The following FHIP1A variants were observed in gnomAD, a reference collection of about 807,000 sequenced individuals.
The protein encoded by FHIP1A is FHF complex subunit HOOK interacting protein 1A.
FHIP1A carries 61 observed loss-of-function variants against 88.6 expected under a neutral mutation model. That is an observed-to-expected ratio of 0.69 (90% CI 0.56 to 0.85). The LOEUF is 0.85. Ranked by LOEUF, FHIP1A falls within the 40% of genes least tolerant of loss-of-function variation. The pLI, the probability that FHIP1A is intolerant of heterozygous loss-of-function variation, is 0.00. For synonymous variants in FHIP1A, 478 were observed against 496.0 expected (o/e 0.96, Z 0.48); for missense variants, 1,154 against 1,273.5 (o/e 0.91, Z 1.43).
intron 1 of FHIP1A, among the ~76,000 whole-genome samples, chr4:151,415,183 G>T (rs78139157): frequency 0.011 from 1,540 of 139,098 alleles, 18 homozygotes; most frequent in African/African-American, 0.036. Context: ...AGTTTTTTTG[G>T]TTTTTTTTTT....
intron 5 of FHIP1A, among the ~76,000 whole-genome samples, chr4:151,579,247 T>G (rs1733933545): frequency 6.6e-6 from 1 of 152,140 alleles, no homozygotes; most frequent in South Asian, 2.1e-4. Flanking sequence ...AAACTATGGT[T>G]TCTGGGGTGA....
chr4:151,556,481 C>T (rs1732951007), intron 3 of FHIP1A, among the ~76,000 whole-genome samples: 1 of 152,098 alleles, frequency 6.6e-6, no homozygotes, highest in African/African-American at 2.4e-5. Flanking sequence ...TTTAATTTTA[C>T]TTGAGTTGTC....
Position 151,586,713 on chromosome 4 carries a change from C to CA in FHIP1A, c.806dup (p.His269GlnfsTer7). On this transcript the variant is annotated frameshift_variant, in exon 6 of 14. Coordinates refer to ENST00000435205, the MANE Select transcript of FHIP1A (RefSeq NM_001109977.3). LOFTEE classifies it high-confidence loss of function. ...GCTAGAAGAGAAAGGCGAGGAATGG[C>CA]ACTGCCTTCTGAAAGATGACTGGCT... is the stretch of plus-strand genomic sequence containing the variant. 4 of 1,551,368 alleles carry CA rather than the reference C, an allele frequency of 2.6e-6. No individual in the cohort carries two copies. The highest frequency in any genetic ancestry group is 3.5e-6 in the Non-Finnish European group (4 of 1,146,732).
At chr4:151,484,277 T>C (rs956293899) in intron 3 of FHIP1A, among the ~76,000 whole-genome samples, 20 of 152,168 alleles carry the variant, frequency 1.3e-4, no homozygotes, top group African/African-American at 3.9e-4. Flanking sequence ...GTTTGGAACA[T>C]GTTCTTGCCT....
chr4:151,594,462 A>G (rs1446302972), intron 7 of FHIP1A, among the ~76,000 whole-genome samples: 3 of 151,954 alleles, frequency 2.0e-5, no homozygotes, highest in Non-Finnish European at 2.9e-5. Flanking sequence ...GAGAGGGTGT[A>G]TGTGTCCAGG....
chr4:151,485,282 G>GTTTTTTTTTTT (rs74327398), intron 3 of FHIP1A, among the ~76,000 whole-genome samples: 47 of 118,734 alleles, frequency 4.0e-4, no homozygotes, highest in East Asian at 1.0e-3. Context: ...ATCTTTTCCA[G>GTTTTTTTTTTT]TTTTTTTTTT....
At chr4:151,448,697 C>T (rs1411534658) in intron 1 of FHIP1A, among the ~76,000 whole-genome samples, 1 of 152,148 alleles carries the variant, frequency 6.6e-6, no homozygotes, top group Non-Finnish European at 1.5e-5. Flanking sequence ...TTTTGTTTAT[C>T]ATCTATCGAT....
In FHIP1A at chr4:151,650,516, T is replaced by G. The variant is rs1247136940; in HGVS notation, c.2475T>G (p.Pro825=). 4.5e-6 allele frequency: 7 copies of G among 1,551,406 alleles called. No homozygotes were observed. The highest frequency in any genetic ancestry group is 4.4e-6 in the Non-Finnish European group (5 of 1,147,036). ...AGATGCCTGCTGTAGAGACTGTGCC[T>G]TCCCCATTTGTGGGGAGAGATGAGG... The part of the protein sequence containing the change: ...IAEMPAVETV[P]SPFVGRDEAA... The change falls in exon 11 of 14, where the codon CCT becomes CCG. Residue 825 remains proline, a synonymous_variant. Coordinates refer to ENST00000435205, the MANE Select transcript of FHIP1A (RefSeq NM_001109977.3).
intron 2 of FHIP1A, among the ~76,000 whole-genome samples, chr4:151,477,736 G>T (rs1385849602): frequency 6.6e-6 from 1 of 152,092 alleles, no homozygotes; most frequent in Admixed American, 6.5e-5. Context: ...ATGGAAAGAT[G>T]CTTAACTTCA....
intron 3 of FHIP1A, among the ~76,000 whole-genome samples, chr4:151,512,067 C>T (rs1731055468): frequency 6.6e-6 from 1 of 152,184 alleles, no homozygotes; most frequent in African/African-American, 2.4e-5. Flanking sequence ...CCTCACACGG[C>T]CGGGTACTCC....
At chr4:151,536,587 G>C (rs1732078993) in intron 3 of FHIP1A, among the ~76,000 whole-genome samples, 1 of 151,998 alleles carries the variant, frequency 6.6e-6, no homozygotes, top group Admixed American at 6.5e-5. Flanking sequence ...GGCTTTTTTC[G>C]CTCAGCATAA....
At chr4:151,500,933 C>T (rs1214205589) in intron 3 of FHIP1A, among the ~76,000 whole-genome samples, 4 of 152,082 alleles carry the variant, frequency 2.6e-5, no homozygotes, top group South Asian at 2.1e-4. Flanking sequence ...CAAAAATTGC[C>T]GATGCACTGA....
intron 3 of FHIP1A, among the ~76,000 whole-genome samples, chr4:151,535,071 C>T (rs186034535): frequency 5.3e-5 from 8 of 152,104 alleles, no homozygotes; most frequent in East Asian, 1.9e-4. Flanking sequence ...AAAAATCAGC[C>T]GGGTGTGGTG....
At chr4:151,515,004 AAG>A (rs1275184648) in intron 3 of FHIP1A, among the ~76,000 whole-genome samples, 1 of 152,100 alleles carries the variant, frequency 6.6e-6, no homozygotes, top group Admixed American at 6.5e-5. Flanking sequence ...ACAACCAAAA[AAG>A]AGAATTTTAG....
At chr4:151,609,054 GC>G in intron 7 of FHIP1A, among the ~76,000 whole-genome samples, 1 of 152,252 alleles carries the variant, frequency 6.6e-6, no homozygotes, top group South Asian at 2.1e-4. Flanking sequence ...AATCAACCCT[GC>G]TCTCCTGTGT....
intron 7 of FHIP1A, among the ~76,000 whole-genome samples, chr4:151,609,171 G>A (rs1735199181): frequency 6.6e-6 from 1 of 152,188 alleles, no homozygotes; most frequent in Admixed American, 6.5e-5. Flanking sequence ...GTGATGTCAT[G>A]TATATCACAG....
At chr4:151,494,794 C>T (rs1001129345) in intron 3 of FHIP1A, among the ~76,000 whole-genome samples, 15 of 152,174 alleles carry the variant, frequency 9.9e-5, no homozygotes, top group Admixed American at 2.6e-4. Context: ...TATTCTTCCT[C>T]TCCATGAGCA....
chr4:151,460,359 A>G (rs143842323), intron 2 of FHIP1A, among the ~76,000 whole-genome samples: 209 of 152,310 alleles, frequency 1.4e-3, no homozygotes, highest in African/African-American at 4.8e-3. Context: ...AAAACTATGT[A>G]TTACATATTT....
intron 3 of FHIP1A, among the ~76,000 whole-genome samples, chr4:151,557,780 T>G (rs530990325): frequency 1.6e-4 from 24 of 152,238 alleles, no homozygotes; most frequent in Non-Finnish European, 2.8e-4. Context: ...GCCTAAATTC[T>G]GGACCTCCAA....
Sources: allele counts gnomAD v4.1 joint callset (sites outside exome capture counted in the v4.1 genomes callset), GRCh38; gene constraint gnomAD v4.1.1; transcripts MANE v1.5; gene names NCBI Gene and HGNC (gene_info 2026-07-23, HGNC 2026-07-21).